The following NT5DC3 variants were observed in gnomAD, a reference collection of about 807,000 sequenced individuals.
NT5DC3 encodes 5'-nucleotidase domain-containing protein 3.
NT5DC3 carries 42 observed loss-of-function variants against 67.8 expected under a neutral mutation model. The ratio of observed to expected loss-of-function variants is 0.62; its 90% confidence interval spans 0.48 to 0.80. The LOEUF (loss-of-function observed/expected upper bound fraction) is 0.80, where lower values mean the gene tolerates loss of function less well. Ranked by LOEUF, NT5DC3 falls within the 30% of genes least tolerant of loss-of-function variation. The pLI is 0.00. For missense variants in NT5DC3, 570 were observed against 696.4 expected, an observed-to-expected ratio of 0.82 and a Z score of 2.04; for synonymous variants, 237 against 255.6, an observed-to-expected ratio of 0.93 and a Z score of 0.69.
intron 4 of NT5DC3, among the ~76,000 whole-genome samples, chr12:103,805,057 C>CA (rs35401787): frequency 0.26 from 31,624 of 120,728 alleles, 3,897 homozygotes; most frequent in South Asian, 0.47. Flanking sequence ...ATCTCAATAA[C>CA]AAAAAAAAAA....
At chr12:103,795,341 C>T (rs1018241517) in intron 6 of NT5DC3, among the ~76,000 whole-genome samples, 1 of 151,322 alleles carries the variant, frequency 6.6e-6, no homozygotes, top group African/African-American at 2.4e-5. Flanking sequence ...GTGCCTAGGA[C>T]CTACTAAGCT....
intron 4 of NT5DC3, among the ~76,000 whole-genome samples, chr12:103,805,061 A>AC (rs891686727): frequency 6.6e-6 from 1 of 151,814 alleles, no homozygotes; most frequent in African/African-American, 2.4e-5. Flanking sequence ...CAATAACAAA[A>AC]AAAAAAAAAA....
chr12:103,806,670 ATGCTTTTC>A (rs1273747039), intron 3 of NT5DC3, among the ~76,000 whole-genome samples, 177 bp downstream of exon 3: 1 of 152,212 alleles, frequency 6.6e-6, no homozygotes, highest in Non-Finnish European at 1.5e-5. Context: ...AAATGCATTT[ATGCTTTTC>A]TAATACATAG....
chr12:103,838,651 AAC>A (rs1888249686), intron 1 of NT5DC3, among the ~76,000 whole-genome samples: 1 of 152,266 alleles, frequency 6.6e-6, no homozygotes, highest in Admixed American at 6.5e-5. Flanking sequence ...CTTTATTTGT[AAC>A]AGCCAAAGAC....
At chr12:103,805,394 T>G (rs1196121278) in intron 4 of NT5DC3, among the ~76,000 whole-genome samples, 1 of 152,238 alleles carries the variant, frequency 6.6e-6, no homozygotes, top group Non-Finnish European at 1.5e-5. Context: ...CACTTTGATT[T>G]TAAAAATAAA....
In NT5DC3 at chr12:103,787,457, A is replaced by G; in HGVS notation, c.1172T>C (p.Ile391Thr). ...GCCCCTCACCGCCAGGTCACTGTAT[A>G]TATGGTCACCAAAATACAACACTCT... is the stretch of plus-strand genomic sequence containing the variant. ...GSRVLYFGDH[I>T]YSDLADLTLK... Residue 391 changes from isoleucine (I) to threonine (T), a missense_variant, in exon 11 of 14, where the codon ATA (isoleucine) becomes ACA (threonine). Transcript: ENST00000392876. 2.5e-6 allele frequency: 4 copies of G among 1,601,444 alleles called. No individual in the cohort carries two copies. Among genetic ancestry groups the G allele is most frequent in the Non-Finnish European group, 3.4e-6 (4 of 1,172,412 alleles).
chr12:103,758,122 C>T, the NT5DC3 span: 2 of 1,611,936 alleles, frequency 1.2e-6, no homozygotes, highest in Non-Finnish European at 1.7e-6. Context: ...CACCCAGGTC[C>T]CTGCACACCA....
At chr12:103,797,322 T>G (rs963479366) in intron 5 of NT5DC3, among the ~76,000 whole-genome samples, 3 of 151,726 alleles carry the variant, frequency 2.0e-5, no homozygotes, top group African/African-American at 7.3e-5. Flanking sequence ...AATACAAAAA[T>G]TTGCTGGGCA....
At chr12:103,750,773 G>A in the NT5DC3 span, 2 of 1,559,530 alleles carry the variant, frequency 1.3e-6, no homozygotes, top group South Asian at 2.3e-5. Flanking sequence ...CAGGCCTGGG[G>A]AAGGGACCCT....
chr12:103,758,081 A>T, the NT5DC3 span: 1 of 1,573,264 alleles, frequency 6.4e-7, no homozygotes, highest in Non-Finnish European at 8.6e-7. Flanking sequence ...GAATATTCAC[A>T]GATGGGTGAT....
the NT5DC3 span, chr12:103,753,256 T>C: frequency 1.2e-6 from 2 of 1,614,236 alleles, no homozygotes; most frequent in East Asian, 2.2e-5. Context: ...CGCTCCCCAC[T>C]GGGCCAGTAT....
In NT5DC3 at chr12:103,776,004, T is replaced by C. The variant is rs541913783; in HGVS notation, c.*1825A>G. The C allele has an allele frequency of 4.6e-5, 7 of 152,264 alleles. No individual in the cohort carries two copies. Among genetic ancestry groups the C allele is most frequent in the African/African-American group, 1.2e-4 (5 of 41,540 alleles). 9.4% of individuals were successfully genotyped at this position (152,264 alleles called of 1,614,324 possible). ...GCCATCCTTTAGATTTAAGAATATA[T>C]ACAAGTTACCGCAAAAGCTTAAAAT... On this transcript the variant is annotated 3_prime_UTR_variant, in exon 14 of 14. Transcript: ENST00000392876.
At chr12:103,784,334 C>T (rs537046373) in intron 12 of NT5DC3, among the ~76,000 whole-genome samples, 35 of 152,342 alleles carry the variant, frequency 2.3e-4, no homozygotes, top group African/African-American at 8.4e-4. Flanking sequence ...GAGCCCAGTG[C>T]ATCCTGGAAA....
chr12:103,810,727 A>G (rs1018674610), intron 2 of NT5DC3, among the ~76,000 whole-genome samples: 6 of 152,198 alleles, frequency 3.9e-5, no homozygotes, highest in Middle Eastern at 3.2e-3. Context: ...GCTTCAAGCA[A>G]AGTTAATACC....
At chr12:103,755,910 G>A in the NT5DC3 span, among the ~76,000 whole-genome samples, 1 of 152,128 alleles carries the variant, frequency 6.6e-6, no homozygotes, top group African/African-American at 2.4e-5. Context: ...TTTCCTCTCT[G>A]GGACTCAATT....
At chr12:103,801,382 T>A (rs1313533765) in intron 4 of NT5DC3, among the ~76,000 whole-genome samples, 1 of 129,222 alleles carries the variant, frequency 7.7e-6, no homozygotes, top group East Asian at 2.2e-4. Flanking sequence ...CTTTTTTTTT[T>A]TTTTTTTTTT....
intron 1 of NT5DC3, among the ~76,000 whole-genome samples, chr12:103,831,879 C>T (rs1012799785): frequency 5.3e-5 from 8 of 150,804 alleles, no homozygotes; most frequent in African/African-American, 2.0e-4. Flanking sequence ...GGGTTCAAGC[C>T]AATTCTCACG....
chr12:103,780,052 C>T (rs544809172), intron 13 of NT5DC3, among the ~76,000 whole-genome samples: 5 of 152,252 alleles, frequency 3.3e-5, no homozygotes, highest in South Asian at 4.1e-4. Context: ...GGGAAGGCTC[C>T]GTTCTCCAAA....
the NT5DC3 span, chr12:103,762,339 T>A: frequency 1.2e-6 from 2 of 1,614,214 alleles, no homozygotes; most frequent in Non-Finnish European, 1.7e-6. Flanking sequence ...CTGGGGCTGT[T>A]GCCTTGGCTG....
Sources: gnomAD v4.1 joint callset for allele counts (sites outside exome capture counted in the v4.1 genomes callset) on GRCh38, gnomAD v4.1.1 for gene constraint, MANE v1.5 for transcripts, NCBI Gene and HGNC (gene_info 2026-07-23, HGNC 2026-07-21) for gene names.